EYA2: variants seen among roughly 807,000 people sequenced by gnomAD.
EYA2 encodes protein phosphatase EYA2.
A neutral mutation model predicts 69.2 loss-of-function variants in EYA2; 31 were observed. The observed-to-expected ratio is 0.45, with a 90% CI of 0.34 to 0.60. EYA2 has a LOEUF of 0.60. Ranked by LOEUF, EYA2 falls within the 20% of genes least tolerant of loss-of-function variation. The probability of loss-of-function intolerance (pLI) is 0.02; values close to 1 mark genes in which losing one functional copy is unlikely to be tolerated. For synonymous variants in EYA2, 257 were observed against 279.4 expected, an observed-to-expected ratio of 0.92 and a Z score of 0.80; for missense variants, 622 against 701.2, an observed-to-expected ratio of 0.89 and a Z score of 1.28.
At chr20:47,051,113 G>C (rs757069835) in intron 5 of EYA2, among the ~76,000 whole-genome samples, 30 of 152,384 alleles carry the variant, frequency 2.0e-4, no homozygotes, top group Non-Finnish European at 3.7e-4. Context: ...GTTGGCCTCT[G>C]TTTGCCCTGG....
At chr20:47,041,060 C>T (rs1199692562) in intron 5 of EYA2, among the ~76,000 whole-genome samples, 3 of 152,182 alleles carry the variant, frequency 2.0e-5, no homozygotes, top group Admixed American at 2.0e-4. Context: ...AACCACCCTC[C>T]ACAGGGAAGT....
At chr20:46,930,217 A>G (rs1268538415) in intron 1 of EYA2, among the ~76,000 whole-genome samples, 1 of 152,220 alleles carries the variant, frequency 6.6e-6, no homozygotes, top group Non-Finnish European at 1.5e-5. Flanking sequence ...GCATTGGTAT[A>G]TAAATTTTAA....
intron 1 of EYA2, among the ~76,000 whole-genome samples, chr20:46,917,697 C>T (rs1178277659): frequency 1.3e-5 from 2 of 152,220 alleles, no homozygotes; most frequent in African/African-American, 4.8e-5. Flanking sequence ...ACATAGGCCA[C>T]TAAGTGTGCA....
At chr20:47,066,869 G>T (rs1398294946) in intron 5 of EYA2, among the ~76,000 whole-genome samples, 1 of 152,114 alleles carries the variant, frequency 6.6e-6, no homozygotes, top group East Asian at 1.9e-4. Flanking sequence ...GTATCAGCCA[G>T]AAGGAAGAAA....
At chr20:47,043,912 A>G (rs1341871307) in intron 5 of EYA2, among the ~76,000 whole-genome samples, 1 of 152,210 alleles carries the variant, frequency 6.6e-6, no homozygotes, top group Non-Finnish European at 1.5e-5. Flanking sequence ...TTGATAGGAT[A>G]TAGATATTGA....
At chr20:47,022,585 A>AT (rs1419633176) in intron 5 of EYA2, among the ~76,000 whole-genome samples, 1 of 149,352 alleles carries the variant, frequency 6.7e-6, no homozygotes, top group African/African-American at 2.4e-5. Flanking sequence ...GAGTGCTGGG[A>AT]TTACAGGCAT....
intron 4 of EYA2, among the ~76,000 whole-genome samples, chr20:47,005,915 A>G (rs539858466): frequency 1.3e-5 from 2 of 152,306 alleles, no homozygotes; most frequent in East Asian, 3.9e-4. Context: ...TTTAGTAGCA[A>G]GTGACAAAAA....
At chr20:46,989,288 A>G (rs1300135456) in intron 1 of EYA2, among the ~76,000 whole-genome samples, 1 of 151,956 alleles carries the variant, frequency 6.6e-6, no homozygotes, top group Non-Finnish European at 1.5e-5. Context: ...TTGTTTGGAG[A>G]TGGAGTCTCA....
chr20:47,184,308 G>A lies in EYA2; in HGVS notation c.1536+917G>A, dbSNP rs1190121383. 2.6e-5 allele frequency among the ~76,000 whole-genome samples: 4 copies of A among 152,048 alleles called. No homozygotes were observed. In the East Asian group the frequency reaches 5.8e-4, roughly 22 times the overall value. On this transcript the variant is annotated intron_variant, in intron 15 of 15. Coordinates refer to ENST00000327619, the MANE Select transcript of EYA2 (RefSeq NM_005244.5). ...GGCCAGGCTGTGGCTGGCATCTTGA[G>A]TTGCTGACCTAACCCCATGCCCTTC...
chr20:46,942,244 G>A (rs1986185239), intron 1 of EYA2, among the ~76,000 whole-genome samples: 2 of 151,628 alleles, frequency 1.3e-5, no homozygotes, highest in Non-Finnish European at 2.9e-5. Context: ...GTCTCACTCT[G>A]TCACCCAGGC....
chr20:46,920,730 G>C (rs974011261), intron 1 of EYA2, among the ~76,000 whole-genome samples: 1 of 152,162 alleles, frequency 6.6e-6, no homozygotes, highest in East Asian at 1.9e-4. Flanking sequence ...AGGCCCCAGG[G>C]ACACAAATGC....
chr20:47,133,314 G>A (rs183790382), intron 9 of EYA2, among the ~76,000 whole-genome samples: 89 of 152,318 alleles, frequency 5.8e-4, no homozygotes, highest in African/African-American at 1.9e-3. Context: ...ATGCCCATTG[G>A]CTCATAATCA....
Position 47,074,206 on chromosome 20 carries a change from T to TA in EYA2, c.533dup (p.Tyr178Ter). 6.2e-7 allele frequency: 1 copy of TA among 1,614,004 alleles called. No homozygotes were observed. Among genetic ancestry groups the TA allele is most frequent in the Non-Finnish European group, 8.5e-7 (1 of 1,179,952 alleles). ...CCCCCAGAGCCAGTACCCCCAGTAT[T>TA]ACGGCTCATCCTACAACCCTCCCTA... ...GFPQSQYPQY[Y>*]GSSYNPPYVP... The change falls in exon 7 of 16, where the codon TAC becomes TAAC. Residue 178 changes from tyrosine (Y) to a stop codon, truncating the protein, a stop_gained and frameshift_variant. Coordinates refer to ENST00000327619, the MANE Select transcript of EYA2 (RefSeq NM_005244.5). LOFTEE classifies it high-confidence loss of function.
At chr20:46,937,844 A>G (rs1331774202) in intron 1 of EYA2, among the ~76,000 whole-genome samples, 1 of 152,082 alleles carries the variant, frequency 6.6e-6, no homozygotes, top group Non-Finnish European at 1.5e-5. Context: ...TTCTACAAAT[A>G]TTTCTTGTGG....
intron 5 of EYA2, among the ~76,000 whole-genome samples, chr20:47,067,580 G>T (rs1312342577): frequency 6.6e-6 from 1 of 151,690 alleles, no homozygotes; most frequent in East Asian, 1.9e-4. Context: ...CACCTAATAT[G>T]TACCCACAAA....
At chr20:47,168,599 G>C (rs2034254797) in intron 10 of EYA2, among the ~76,000 whole-genome samples, 1 of 151,808 alleles carries the variant, frequency 6.6e-6, no homozygotes, top group Non-Finnish European at 1.5e-5. Context: ...ATAGTGCCTG[G>C]CACATAGTAA....
intron 10 of EYA2, among the ~76,000 whole-genome samples, chr20:47,168,483 C>T (rs1367710110): frequency 6.6e-6 from 1 of 152,174 alleles, no homozygotes; most frequent in Non-Finnish European, 1.5e-5. Context: ...GCCACCATGC[C>T]CAGCCTCCAC....
Position 47,015,660 on chromosome 20 carries a change from G to A in EYA2, c.299-521G>A, listed in dbSNP as rs191237825. 2.5e-3 allele frequency among the ~76,000 whole-genome samples: 378 copies of A among 152,260 alleles called. 2 individuals are homozygous for A. Among genetic ancestry groups the A allele is most frequent in the African/African-American group, 6.9e-3 (286 of 41,534 alleles). ...TTCATACCTACCAAGCTGGCAGGTA[G>A]CATGAAGCTGGTGGCATGTACAAAA... On this transcript the variant is annotated intron_variant, in intron 4 of 15. Coordinates refer to ENST00000327619, the MANE Select transcript of EYA2 (RefSeq NM_005244.5).
At chr20:47,047,232 C>T (rs369785663) in intron 5 of EYA2, among the ~76,000 whole-genome samples, 8 of 152,200 alleles carry the variant, frequency 5.3e-5, no homozygotes, top group East Asian at 3.9e-4. Context: ...CCCCATTAAA[C>T]GTGGGCATGC....
Sources: gnomAD v4.1 joint callset for allele counts (sites outside exome capture counted in the v4.1 genomes callset) on GRCh38, gnomAD v4.1.1 for gene constraint, MANE v1.5 for transcripts, NCBI Gene and HGNC (gene_info 2026-07-23, HGNC 2026-07-21) for gene names.